Variants in FSTL5 observed in about 807,000 individuals in gnomAD.
FSTL5 encodes follistatin-related protein 5.
FSTL5 carries 62 observed loss-of-function variants against 89.1 expected under a neutral mutation model. The ratio of observed to expected loss-of-function variants is 0.70; its 90% CI spans 0.57 to 0.86. The LOEUF (loss-of-function observed/expected upper bound fraction) is 0.86. Ranked by LOEUF, FSTL5 falls within the 40% of genes least tolerant of loss-of-function variation. The probability of loss-of-function intolerance (pLI) is 0.00; values close to 1 mark genes in which losing one functional copy is unlikely to be tolerated. For missense variants in FSTL5, 1,057 were observed against 1,001.6 expected (o/e 1.06, Z -0.75); for synonymous variants, 383 against 346.2 (o/e 1.11, Z -1.18).
chr4:162,058,357 T>C (rs975454037), intron 2 of FSTL5, among the ~76,000 whole-genome samples: 59 of 151,704 alleles, frequency 3.9e-4, no homozygotes, highest in African/African-American at 1.4e-3. Flanking sequence ...GATTAGCCTG[T>C]GATGTTAGTT....
chr4:161,790,128 T>C (rs1729409436), intron 4 of FSTL5, among the ~76,000 whole-genome samples: 1 of 152,194 alleles, frequency 6.6e-6, no homozygotes, highest in Non-Finnish European at 1.5e-5. Context: ...AAGTAGAAAT[T>C]CTTACAAGGC....
intron 4 of FSTL5, among the ~76,000 whole-genome samples, chr4:161,871,780 C>T (rs182494453): frequency 7.2e-5 from 11 of 152,156 alleles, no homozygotes; most frequent in African/African-American, 2.4e-4. Context: ...AGATTTGAAT[C>T]ATAGCTCCTG....
chr4:161,414,196 T>C (rs1309283380), intron 15 of FSTL5, among the ~76,000 whole-genome samples: 1 of 152,200 alleles, frequency 6.6e-6, no homozygotes, highest in African/African-American at 2.4e-5. Flanking sequence ...TAATTCATAG[T>C]GAAAACAAGT....
Position 162,053,234 on chromosome 4 carries a change from A to G in FSTL5, c.127-19576T>C, listed in dbSNP as rs142723006. ...CTTGTGCTCTAGGTAAAGGAAAAATACTTTCCTGAGTATTTTCTGAGTGTT... is the reference window on the plus strand; with the variant it reads ...CTTGTGCTCTAGGTAAAGGAAAAATGCTTTCCTGAGTATTTTCTGAGTGTT... On this transcript the variant is annotated intron_variant, in intron 2 of 15. Coordinates refer to ENST00000306100, the MANE Select transcript of FSTL5 (RefSeq NM_020116.5). 4.6e-5 allele frequency among the ~76,000 whole-genome samples: 7 copies of G among 151,902 alleles called. No individual in the cohort carries two copies. In the East Asian group the frequency reaches 7.7e-4, roughly 17 times the overall value.
chr4:162,144,979 A>G (rs1732915490), intron 1 of FSTL5, among the ~76,000 whole-genome samples: 1 of 148,898 alleles, frequency 6.7e-6, no homozygotes, highest in Non-Finnish European at 1.5e-5. Context: ...CAATGAATAC[A>G]ATATATATTC....
chr4:161,870,000 G>A (rs1732212375), intron 4 of FSTL5, among the ~76,000 whole-genome samples: 1 of 152,078 alleles, frequency 6.6e-6, no homozygotes, highest in Admixed American at 6.6e-5. Context: ...GAAGAAAAAA[G>A]TCTGTAGCTC....
chr4:161,880,324 CATT>C (rs1363265591), intron 4 of FSTL5, among the ~76,000 whole-genome samples: 7 of 151,724 alleles, frequency 4.6e-5, no homozygotes, highest in East Asian at 3.9e-4. Context: ...ATAAATCTAA[CATT>C]ATTTCATTTA....
chr4:162,008,424 T>A (rs961778472), intron 3 of FSTL5, among the ~76,000 whole-genome samples: 3 of 151,996 alleles, frequency 2.0e-5, no homozygotes, highest in Admixed American at 6.6e-5. Context: ...GCCCATCTAA[T>A]GTTGATAAGA....
At chr4:161,484,286 A>G (rs1729607817) in intron 12 of FSTL5, among the ~76,000 whole-genome samples, 1 of 152,084 alleles carries the variant, frequency 6.6e-6, no homozygotes, top group African/African-American at 2.4e-5. Context: ...ATTCCTAAAG[A>G]CAGATATTTC....
chr4:161,791,651 G>A (rs755305866), intron 4 of FSTL5, among the ~76,000 whole-genome samples: 4 of 152,144 alleles, frequency 2.6e-5, no homozygotes, highest in Non-Finnish European at 5.9e-5. Context: ...TAGGACAGCG[G>A]TGGGTATCAG....
Position 162,003,099 on chromosome 4 carries a change from G to T in FSTL5, c.160+30526C>A, listed in dbSNP as rs1336616474. Among the ~76,000 whole-genome samples, 4 of 152,014 alleles carry T rather than the reference G, an allele frequency of 2.6e-5. No homozygotes were observed. In the South Asian group the frequency reaches 6.2e-4, roughly 24 times the overall value. On this transcript the variant is annotated intron_variant, in intron 3 of 15. Transcript: ENST00000306100. ...GTGGAGCTTGCAGTGAGCCGAGATC[G>T]CACCACTGTGCTTCTGCCTGGGGGA...
chr4:162,053,188 C>T (rs1738437437), intron 2 of FSTL5, among the ~76,000 whole-genome samples: 1 of 151,756 alleles, frequency 6.6e-6, no homozygotes, highest in Non-Finnish European at 1.5e-5. Context: ...ACGGAAACAA[C>T]ACAGGAATGT....
At chr4:161,429,970 G>A (rs1732297644) in intron 15 of FSTL5, among the ~76,000 whole-genome samples, 1 of 152,144 alleles carries the variant, frequency 6.6e-6, no homozygotes, top group Admixed American at 6.5e-5. Flanking sequence ...CTGTTTTGAG[G>A]AAACTGAGTG....
chr4:161,481,037 A>T lies in FSTL5; in HGVS notation c.1591T>A (p.Ser531Thr). The T allele has an allele frequency of 6.2e-7, 1 of 1,610,162 alleles. No individual in the cohort carries two copies. The highest frequency in any genetic ancestry group is 8.5e-7 in the Non-Finnish European group (1 of 1,178,436). Reference sequence around the variant, plus strand: ...ATTCATACCTGAACAACTTTTTGGGACTGCACATCAACAATAAGGACTCTG... The same window carrying T: ...ATTCATACCTGAACAACTTTTTGGGTCTGCACATCAACAATAAGGACTCTG... ...LDRVLIVDVQ[S>T]QKVVQAVSTD... Residue 531 changes from serine to threonine, a missense_variant, in exon 13 of 16, where the codon TCC (serine) becomes ACC (threonine). By Grantham distance (58) the Ser-to-Thr change is moderately conservative. Coordinates refer to ENST00000306100, the MANE Select transcript of FSTL5 (RefSeq NM_020116.5).
At chr4:161,495,503 C>A (rs575969989) in intron 12 of FSTL5, 2 of 151,922 alleles carry the variant, frequency 1.3e-5, no homozygotes, top group Non-Finnish European at 2.9e-5. Context: ...TAGAAATAAT[C>A]GTATCTAGTA....
intron 6 of FSTL5, among the ~76,000 whole-genome samples, chr4:161,736,454 T>C (rs1307040969): frequency 2.0e-5 from 3 of 152,280 alleles, no homozygotes; most frequent in Middle Eastern, 3.4e-3. Context: ...ATTAATGCCA[T>C]CTAATATATT....
intron 2 of FSTL5, among the ~76,000 whole-genome samples, chr4:162,100,392 C>G (rs926056636): frequency 6.6e-6 from 1 of 152,048 alleles, no homozygotes; most frequent in African/African-American, 2.4e-5. Context: ...AACCCCAACT[C>G]TACTAAAAAT....
intron 13 of FSTL5, among the ~76,000 whole-genome samples, chr4:161,475,059 G>A (rs573986134): frequency 1.2e-4 from 18 of 145,426 alleles, no homozygotes; most frequent in African/African-American, 3.8e-4. Flanking sequence ...GTAGTATGCC[G>A]AACGTATGGA....
intron 4 of FSTL5, among the ~76,000 whole-genome samples, chr4:161,912,193 A>G (rs900495962): frequency 6.6e-6 from 1 of 152,224 alleles, no homozygotes; most frequent in African/African-American, 2.4e-5. Context: ...AAATAGTTGT[A>G]AAAAGCATTC....
Sources: gnomAD v4.1 joint callset for allele counts (sites outside exome capture counted in the v4.1 genomes callset) on GRCh38, gnomAD v4.1.1 for gene constraint, MANE v1.5 for transcripts, NCBI Gene and HGNC (gene_info 2026-07-23, HGNC 2026-07-21) for gene names.